Variants in CACNA1E observed in about 807,000 individuals in gnomAD.
CACNA1E encodes the protein calcium voltage-gated channel subunit alpha1 E.
CACNA1E carries 40 observed loss-of-function variants against 259.2 expected under a neutral mutation model. The ratio of observed to expected loss-of-function variants is 0.15; its 90% confidence interval spans 0.12 to 0.20. The LOEUF (loss-of-function observed/expected upper bound fraction) is 0.20, where lower values mean the gene tolerates loss of function less well. CACNA1E is among the 10% of genes least tolerant of loss of function. The probability of loss-of-function intolerance (pLI) is 1.00; values close to 1 mark genes in which losing one functional copy is unlikely to be tolerated. For missense variants in CACNA1E, 1,874 were observed against 3,040.1 expected (o/e 0.62, Z 9.02); for synonymous variants, 1,104 against 1,138.5 (o/e 0.97, Z 0.61).
intron 7 of CACNA1E, among the ~76,000 whole-genome samples, chr1:181,674,414 A>T (rs1649157572): frequency 6.6e-6 from 1 of 151,146 alleles, no homozygotes; most frequent in Non-Finnish European, 1.5e-5. Context: ...AAAAAAAAAA[A>T]AAAAAAGAAT....
At position 181,796,686 on chromosome 1, in the gene CACNA1E, A is replaced by T. The variant is rs760371226; in HGVS notation, c.6227A>T (p.His2076Leu). The T allele has an allele frequency of 2.9e-5, 46 of 1,602,126 alleles. 1 individual carries two copies. The East Asian group carries it at 4.0e-4, about 14-fold the overall frequency. Residue 2076 changes from histidine to leucine, a missense_variant, in exon 47 of 48, where the codon CAC becomes CTC. This residue lies in a region of CACNA1E where 542 missense variants were observed against 587.2 expected (regional missense o/e 0.92). Coordinates refer to ENST00000367573, the MANE Select transcript of CACNA1E (RefSeq NM_001205293.3). ...NSDSGHKSDTHRSGGRERGRS... is the reference protein window; with the variant it reads ...NSDSGHKSDTLRSGGRERGRS... ...CTCACAGGCCACAAGTCTGACACTC[A>T]CCGCTCAGGGGGCAGGGAGCGGGGA...
rs956518048 is a variant in CACNA1E at position 181,732,309 on chromosome 1, C to T, written c.2298-75C>T. 14 of 1,451,114 alleles carry T rather than the reference C, an allele frequency of 9.6e-6. No homozygotes were observed. The highest frequency in any genetic ancestry group is 1.2e-5 in the Non-Finnish European group (13 of 1,103,710). The allele number at this position is 1,451,114 out of a possible 1,614,324, so 89.9% of individuals were successfully genotyped here. ...CCCCACCATGTGTCCTGCCCTCTCA[C>T]ATGGCCCCTGTGGCCACCCTCCCTG... On this transcript the variant is annotated intron_variant, in intron 19 of 47. Coordinates refer to ENST00000367573, the MANE Select transcript of CACNA1E (RefSeq NM_001205293.3). The surrounding 1 kb of genome is among the most constrained non-coding windows in gnomAD (Gnocchi z 5.5).
At chr1:181,712,265 T>A (rs1456567862) in intron 8 of CACNA1E, among the ~76,000 whole-genome samples, 1 of 152,236 alleles carries the variant, frequency 6.6e-6, no homozygotes, top group Non-Finnish European at 1.5e-5. Context: ...AAGGTTGGTT[T>A]GCATTAGTAT....
At position 181,732,984 on chromosome 1, in the gene CACNA1E, T is replaced by G. The variant is rs778330521; in HGVS notation, c.2898T>G (p.His966Gln). 1.5e-5 allele frequency: 25 copies of G among 1,613,224 alleles called. No homozygotes were observed. The highest frequency in any genetic ancestry group is 1.3e-5 in the African/African-American group (1 of 74,896). ...GEKDHELRGN[H>Q]GAKEPTIQEE... ...AGGACCATGAGCTCAGGGGCAACCA[T>G]GGTGCCAAGGAGCCAACGATCCAAG... Residue 966 changes from histidine to glutamine, a missense_variant, in exon 20 of 48, where the codon CAT (histidine) becomes CAG (glutamine). This residue lies in a region of CACNA1E where 476 missense variants were observed against 514.0 expected (regional missense o/e 0.93). Transcript: ENST00000367573. The surrounding 1 kb of genome is among the most constrained non-coding windows in gnomAD (Gnocchi z 5.5).
In CACNA1E at chr1:181,724,498, C is replaced by T. The variant is rs368547834; in HGVS notation, c.2103C>T (p.Ile701=). The T allele has an allele frequency of 1.4e-5, 22 of 1,613,226 alleles. No homozygotes were observed. The highest frequency in any genetic ancestry group is 1.6e-4 in the Middle Eastern group (1 of 6,084). The change falls in exon 17 of 48, where the codon ATC becomes ATT. Residue 701 remains isoleucine (I), a synonymous_variant. Coordinates refer to ENST00000367573, the MANE Select transcript of CACNA1E (RefSeq NM_001205293.3). ...NYTLLNVFLA[I]AVDNLANAQE... Reference sequence around the variant, plus strand: ...CGCTACTGAATGTGTTCTTGGCTATCGCTGTGGATAATCTCGCCAACGCCC... The same window carrying T: ...CGCTACTGAATGTGTTCTTGGCTATTGCTGTGGATAATCTCGCCAACGCCC...
chr1:181,428,868 T>A (rs1294491597), intron 2 of CACNA1E, among the ~76,000 whole-genome samples: 1 of 152,118 alleles, frequency 6.6e-6, no homozygotes. Context: ...CAGGCTCACA[T>A]AGGGTTGCTC....
At chr1:181,469,374 C>T (rs929843689) in intron 2 of CACNA1E, among the ~76,000 whole-genome samples, 2 of 152,030 alleles carry the variant, frequency 1.3e-5, no homozygotes, top group Non-Finnish European at 2.9e-5. Flanking sequence ...GTTTTGTGCC[C>T]GAGTTAGGGG....
chr1:181,575,526 C>T (rs573820612), intron 3 of CACNA1E, among the ~76,000 whole-genome samples: 1 of 152,268 alleles, frequency 6.6e-6, no homozygotes, highest in South Asian at 2.1e-4. Flanking sequence ...TTTCCCTCTA[C>T]CATTTTTCCC....
rs946272932 is a variant in CACNA1E at position 181,670,443 on chromosome 1, G to A, written c.1055+19002G>A. ...TGTGTCCCAAAATATTCTTCATTTAGCAAAATATTGAAATTACTCTTTCCT... is the reference window on the plus strand; with the variant it reads ...TGTGTCCCAAAATATTCTTCATTTAACAAAATATTGAAATTACTCTTTCCT... On this transcript the variant is annotated intron_variant, in intron 7 of 47. Coordinates refer to ENST00000367573, the MANE Select transcript of CACNA1E (RefSeq NM_001205293.3). 3.3e-5 allele frequency among the ~76,000 whole-genome samples: 5 copies of A among 152,210 alleles called. No individual in the cohort carries two copies. In the East Asian group the frequency reaches 9.6e-4, roughly 29 times the overall value.
At chr1:181,403,596 T>G (rs1467349214) in intron 1 of CACNA1E, among the ~76,000 whole-genome samples, 3 of 152,120 alleles carry the variant, frequency 2.0e-5, no homozygotes, top group Non-Finnish European at 4.4e-5. Context: ...CCAAAAAACA[T>G]AGAGAGGGAT....
At chr1:181,498,405 G>A (rs555417082) in intron 1 of CACNA1E, among the ~76,000 whole-genome samples, 1 of 152,278 alleles carries the variant, frequency 6.6e-6, no homozygotes, top group East Asian at 1.9e-4. Context: ...AACTGGTCAT[G>A]GAGCTCCTAT....
intron 2 of CACNA1E, among the ~76,000 whole-genome samples, chr1:181,471,654 C>T (rs950068480): frequency 2.0e-5 from 3 of 152,150 alleles, no homozygotes; most frequent in Admixed American, 6.6e-5. Flanking sequence ...TATAACCTAA[C>T]ACCTCTTAGC....
chr1:181,710,493 G>A (rs530737504), intron 7 of CACNA1E, among the ~76,000 whole-genome samples: 85 of 152,262 alleles, frequency 5.6e-4, no homozygotes, highest in Non-Finnish European at 1.0e-3. Flanking sequence ...TAGGATGGTC[G>A]TGAGGATGAA....
chr1:181,473,923 G>C (rs1662675480), intron 2 of CACNA1E, among the ~76,000 whole-genome samples: 1 of 152,194 alleles, frequency 6.6e-6, no homozygotes, highest in Admixed American at 6.5e-5. Flanking sequence ...GTTTATAATA[G>C]CACTTGCCAC....
intron 6 of CACNA1E, among the ~76,000 whole-genome samples, chr1:181,612,110 C>T (rs1446521441): frequency 6.6e-6 from 1 of 152,192 alleles, no homozygotes; most frequent in Admixed American, 6.5e-5. Context: ...AAGGATGACC[C>T]TCTCATGGCC....
intron 1 of CACNA1E, among the ~76,000 whole-genome samples, chr1:181,379,320 C>G (rs982320728): frequency 6.6e-6 from 1 of 152,050 alleles, no homozygotes; most frequent in African/African-American, 2.4e-5. Context: ...CTGAAAATTT[C>G]CAAATTTAAT....
At position 181,755,374 on chromosome 1, in the gene CACNA1E, C is replaced by G. The variant is rs550663078; in HGVS notation, c.3966C>G (p.Ser1322=). Residue 1322 remains serine, a synonymous_variant, in exon 28 of 48, where the codon TCC becomes TCG. Transcript: ENST00000367573. ...AGTTCTTTTATTGCACGGACAGTTC[C>G]AAGGACACAGAGAAGGAGTGCATGT... ...KGKFFYCTDS[S]KDTEKECIGN... 1.1e-5 allele frequency: 17 copies of G among 1,613,766 alleles called. No homozygotes were observed. Among genetic ancestry groups the G allele is most frequent in the Non-Finnish European group, 1.3e-5 (15 of 1,179,808 alleles).
chr1:181,432,209 G>A (rs1306742860), intron 2 of CACNA1E, among the ~76,000 whole-genome samples: 1 of 152,116 alleles, frequency 6.6e-6, no homozygotes, highest in African/African-American at 2.4e-5. Context: ...TAAATGAAAT[G>A]GTGGGATCTA....
intron 6 of CACNA1E, among the ~76,000 whole-genome samples, chr1:181,616,576 T>A (rs918269300): frequency 6.6e-6 from 1 of 152,070 alleles, no homozygotes; most frequent in Non-Finnish European, 1.5e-5. Flanking sequence ...TAGCTGGGTG[T>A]GGTGGTGCAC....
Sources: allele counts gnomAD v4.1 joint callset (sites outside exome capture counted in the v4.1 genomes callset), GRCh38; gene constraint gnomAD v4.1.1; regional missense constraint gnomAD v4.1.1; non-coding constraint Gnocchi (gnomAD v3.1); transcripts MANE v1.5; gene names NCBI Gene and HGNC (gene_info 2026-07-23, HGNC 2026-07-21).